Variants in TFAP2C observed in about 807,000 individuals in gnomAD.
TFAP2C encodes the protein transcription factor AP-2 gamma.
Under a neutral mutation model 42.9 loss-of-function variants are expected in TFAP2C, and 9 were observed. The ratio of observed to expected loss-of-function variants is 0.21; its 90% CI spans 0.13 to 0.37. The LOEUF (loss-of-function observed/expected upper bound fraction) is 0.37, where lower values mean the gene tolerates loss of function less well. Ranked by LOEUF, TFAP2C falls within the 10% of genes least tolerant of loss-of-function variation. The pLI is 1.00. For missense variants in TFAP2C, 462 were observed against 591.7 expected (o/e 0.78, Z 2.27); for synonymous variants, 264 against 256.0 (o/e 1.03, Z -0.30).
At position 56,638,023 on chromosome 20, in the gene TFAP2C, G is replaced by A. The variant is rs758220246; in HGVS notation, c.*10G>A. 3.2e-5 allele frequency: 52 copies of A among 1,609,856 alleles called. No homozygotes were observed. The highest frequency in any genetic ancestry group is 1.6e-4 in the Middle Eastern group (1 of 6,076). ...GAAACACAGGAAATAAAATTGGAAC[G>A]AAGAAAGGTTAGGAGAGTAGGGAAG... On this transcript the variant is annotated 3_prime_UTR_variant, in exon 7 of 7. Transcript: ENST00000201031.
chr20:56,636,839 C>T, intron 6 of TFAP2C, 85 bp downstream of exon 6: 1 of 1,435,782 alleles, frequency 7.0e-7, no homozygotes, highest in Non-Finnish European at 9.3e-7. Context: ...GTCCCGATGG[C>T]TCAACAAAGA....
In TFAP2C at chr20:56,630,242, G is replaced by A; in HGVS notation, c.48+650G>A. The A allele has an allele frequency of 3.3e-6, 1 of 299,466 alleles. No homozygotes were observed. Among genetic ancestry groups the A allele is most frequent in the South Asian group, 2.5e-5 (1 of 40,754 alleles). 18.6% of individuals were successfully genotyped at this position (299,466 alleles called of 1,614,324 possible). On this transcript the variant is annotated intron_variant, in intron 1 of 6. Coordinates refer to ENST00000201031, the MANE Select transcript of TFAP2C (RefSeq NM_003222.4). This position sits in a 1 kb window ranked among gnomAD's most constrained non-coding sequence, Gnocchi z 5.1. ...ACGCAGGCAGCGCTAGGCGAGCTCA[G>A]GGGCGCCGGGAGCGCGGAGCTCGGG...
Position 56,637,796 on chromosome 20 carries a change from C to T in TFAP2C, c.1136C>T (p.Ala379Val), listed in dbSNP as rs774229244. 7 of 1,614,002 alleles carry T rather than the reference C, an allele frequency of 4.3e-6. No homozygotes were observed. The highest frequency in any genetic ancestry group is 1.3e-5 in the African/African-American group (1 of 74,924). ...ACACCCCATGGGACCAGCAGGCTCG[C>T]CCCAGTCTTGGAGACGAACATACAG... The part of the protein sequence containing the change: ...DRTPHGTSRL[A>V]PVLETNIQNC... The change falls in exon 7 of 7, where the codon GCC (alanine) becomes GTC (valine). Residue 379 changes from alanine (A) to valine (V), a missense_variant. Ala to Val is a moderately conservative substitution (Grantham distance 64). Transcript: ENST00000201031.
Position 56,631,159 on chromosome 20 carries a change from G to C in TFAP2C, c.49-46G>C. 1 of 1,477,040 alleles carries C rather than the reference G, an allele frequency of 6.8e-7. No individual in the cohort carries two copies. The highest frequency in any genetic ancestry group is 9.0e-7 in the Non-Finnish European group (1 of 1,117,206). 91.5% of individuals were successfully genotyped at this position (1,477,040 alleles called of 1,614,324 possible). ...GCGATGCCGGCCAGTTCGCAGTAGC[G>C]GGGTTTCGCACTAACGGGGTCTCCT... On this transcript the variant is annotated intron_variant, in intron 1 of 6. Transcript: ENST00000201031. The surrounding 1 kb of genome is among the most constrained non-coding windows in gnomAD (Gnocchi z 6.1).
chr20:56,631,137 A>T lies in TFAP2C; in HGVS notation c.49-68A>T, dbSNP rs1600896676. On this transcript the variant is annotated intron_variant, in intron 1 of 6. Transcript: ENST00000201031. The surrounding 1 kb of genome is among the most constrained non-coding windows in gnomAD (Gnocchi z 6.1). ...CCGGGGCCCTCTGCGTAGCCCGGCG[A>T]TGCCGGCCAGTTCGCAGTAGCGGGG... 3 of 1,466,810 alleles carry T rather than the reference A, an allele frequency of 2.0e-6. No individual in the cohort carries two copies. The highest frequency in any genetic ancestry group is 1.8e-6 in the Non-Finnish European group (2 of 1,113,850). The allele number at this position is 1,466,810 out of a possible 1,614,324, so 90.9% of individuals were successfully genotyped here. A position where few individuals can be genotyped will look rare whatever the true frequency, so the allele number is the denominator to read the frequency against.
Position 56,636,692 on chromosome 20 carries a change from C to T in TFAP2C, c.1005C>T (p.Thr335=), listed in dbSNP as rs766003792. ...FPSKPVAEYL[T]RPHLGGRNEM... ...GTAAACCAGTGGCAGAATATTTAAC[C>T]AGACCTCATCTTGGAGGACGAAATG... Residue 335 remains threonine, a synonymous_variant, in exon 6 of 7, where the codon ACC becomes ACT. Coordinates refer to ENST00000201031, the MANE Select transcript of TFAP2C (RefSeq NM_003222.4). 1 of 1,613,962 alleles carries T rather than the reference C, an allele frequency of 6.2e-7. No individual in the cohort carries two copies. Among genetic ancestry groups the T allele is most frequent in the African/African-American group, 1.3e-5 (1 of 74,916 alleles).
chr20:56,637,580 C>T (rs1987608240), intron 6 of TFAP2C, 148 bp from the exon 7 acceptor site: 2 of 655,528 alleles, frequency 3.1e-6, no homozygotes, highest in Non-Finnish European at 5.2e-6. Flanking sequence ...CTAAGCGCAG[C>T]AGTTGGCTAT....
chr20:56,629,630 A>G lies in TFAP2C; in HGVS notation c.48+38A>G. 1 of 1,395,122 alleles carries G rather than the reference A, an allele frequency of 7.2e-7. No homozygotes were observed. 86.4% of individuals were successfully genotyped at this position (1,395,122 alleles called of 1,614,324 possible). A position where few individuals can be genotyped will look rare whatever the true frequency, so the allele number is the denominator to read the frequency against. ...TCCGGGGTGCAGCCCCGCCCCGCCG[A>G]GGACAGTCCGGGAGGCAGGGGCCAC... On this transcript the variant is annotated intron_variant, in intron 1 of 6. Transcript: ENST00000201031. The surrounding 1 kb of genome is among the most constrained non-coding windows in gnomAD (Gnocchi z 5.9).
chr20:56,636,562 G>T, intron 5 of TFAP2C, 48 bp from the exon 6 acceptor site: 1 of 1,552,000 alleles, frequency 6.4e-7, no homozygotes, highest in Non-Finnish European at 8.7e-7. Context: ...AGGGCAGTTT[G>T]GCCTCAGTGA....
chr20:56,629,500 G>A lies in TFAP2C; in HGVS notation c.-45G>A, dbSNP rs1372236611. On this transcript the variant is annotated 5_prime_UTR_variant, in exon 1 of 7. Transcript: ENST00000201031. This position sits in a 1 kb window ranked among gnomAD's most constrained non-coding sequence, Gnocchi z 5.9. ...GGATTTACCGCTTGGGGGCTGGGGGGATCCTGGATTTAACTGGCGACTGTT... is the reference window on the plus strand; with the variant it reads ...GGATTTACCGCTTGGGGGCTGGGGGAATCCTGGATTTAACTGGCGACTGTT... 5 of 1,384,334 alleles carry A rather than the reference G, an allele frequency of 3.6e-6. No individual in the cohort carries two copies. The highest frequency in any genetic ancestry group is 2.0e-5 in the South Asian group (1 of 49,354). The allele number at this position is 1,384,334 out of a possible 1,614,324, so 85.8% of individuals were successfully genotyped here. A position where few individuals can be genotyped will look rare whatever the true frequency, so the allele number is the denominator to read the frequency against.
Position 56,629,522 on chromosome 20 carries a change from T to C in TFAP2C, c.-23T>C. 2 of 1,403,888 alleles carry C rather than the reference T, an allele frequency of 1.4e-6. No homozygotes were observed. Among genetic ancestry groups the C allele is most frequent in the East Asian group, 5.5e-5 (2 of 36,544 alleles). 87.0% of individuals were successfully genotyped at this position (1,403,888 alleles called of 1,614,324 possible). A position where few individuals can be genotyped will look rare whatever the true frequency, so the allele number is the denominator to read the frequency against. On this transcript the variant is annotated 5_prime_UTR_variant, in exon 1 of 7. Coordinates refer to ENST00000201031, the MANE Select transcript of TFAP2C (RefSeq NM_003222.4). This position sits in a 1 kb window ranked among gnomAD's most constrained non-coding sequence, Gnocchi z 5.9. ...GGGGATCCTGGATTTAACTGGCGAC[T>C]GTTTTGGGGGACGCCGGACGCCATG... is the stretch of plus-strand genomic sequence containing the variant.
At position 56,630,743 on chromosome 20, in the gene TFAP2C, C is replaced by G. The variant is rs1335802569; in HGVS notation, c.49-462C>G. 1 of 985,244 alleles carries G rather than the reference C, an allele frequency of 1.0e-6. No homozygotes were observed. Among genetic ancestry groups the G allele is most frequent in the African/African-American group, 1.7e-5 (1 of 57,236 alleles). 61.0% of individuals were successfully genotyped at this position (985,244 alleles called of 1,614,324 possible). A position where few individuals can be genotyped will look rare whatever the true frequency, so the allele number is the denominator to read the frequency against. On this transcript the variant is annotated intron_variant, in intron 1 of 6. Coordinates refer to ENST00000201031, the MANE Select transcript of TFAP2C (RefSeq NM_003222.4). The surrounding 1 kb of genome is among the most constrained non-coding windows in gnomAD (Gnocchi z 5.1). The stretch of plus-strand genomic sequence containing the variant: ...GGAGGTGCGCATTTCCCGCGCCGCG[C>G]ACTCTATCCGCGCCTGCCGCGCTGC...
In TFAP2C at chr20:56,630,844, G is replaced by A; in HGVS notation, c.49-361G>A. On this transcript the variant is annotated intron_variant, in intron 1 of 6. Coordinates refer to ENST00000201031, the MANE Select transcript of TFAP2C (RefSeq NM_003222.4). This position sits in a 1 kb window ranked among gnomAD's most constrained non-coding sequence, Gnocchi z 5.1. ...ACCGGGCGTCCGGCTCCTTCGCCCCGGGCTCTGGCTCCTTCGCCCCGGGCT... is the reference window on the plus strand; with the variant it reads ...ACCGGGCGTCCGGCTCCTTCGCCCCAGGCTCTGGCTCCTTCGCCCCGGGCT... The A allele has an allele frequency of 2.0e-6, 2 of 984,100 alleles. No homozygotes were observed. The highest frequency in any genetic ancestry group is 2.4e-6 in the Non-Finnish European group (2 of 829,510). The allele number at this position is 984,100 out of a possible 1,614,324, so 61.0% of individuals were successfully genotyped here.
At position 56,638,330 on chromosome 20, in the gene TFAP2C, A is replaced by ATG; in HGVS notation, c.*317_*318insTG. ...GTGCTATAAGTTTTAGAATCTTTTAAATACATTCCCTGGGCCAACAGACCC... is the reference window on the plus strand; with the variant it reads ...GTGCTATAAGTTTTAGAATCTTTTAATGATACATTCCCTGGGCCAACAGACCC... On this transcript the variant is annotated 3_prime_UTR_variant, in exon 7 of 7. Transcript: ENST00000201031. 1 of 271,606 alleles carries ATG rather than the reference A, an allele frequency of 3.7e-6. No homozygotes were observed. The highest frequency in any genetic ancestry group is 7.1e-5 in the East Asian group (1 of 14,146). 16.8% of individuals were successfully genotyped at this position (271,606 alleles called of 1,614,324 possible).
chr20:56,630,896 A>C lies in TFAP2C; in HGVS notation c.49-309A>C. The C allele has an allele frequency of 2.0e-6, 2 of 984,970 alleles. No individual in the cohort carries two copies. The highest frequency in any genetic ancestry group is 2.4e-6 in the Non-Finnish European group (2 of 829,830). The allele number at this position is 984,970 out of a possible 1,614,324, so 61.0% of individuals were successfully genotyped here. Reference sequence around the variant, plus strand: ...CGGCCACGGACTTTTCTGGCCCAAGACCCAGGGTTCGGACTTGGCGCCTCC... The same window carrying C: ...CGGCCACGGACTTTTCTGGCCCAAGCCCCAGGGTTCGGACTTGGCGCCTCC... On this transcript the variant is annotated intron_variant, in intron 1 of 6. Coordinates refer to ENST00000201031, the MANE Select transcript of TFAP2C (RefSeq NM_003222.4). The surrounding 1 kb of genome is among the most constrained non-coding windows in gnomAD (Gnocchi z 5.1).
In TFAP2C at chr20:56,630,252, G is replaced by C. The variant is rs1448121709; in HGVS notation, c.48+660G>C. On this transcript the variant is annotated intron_variant, in intron 1 of 6. Coordinates refer to ENST00000201031, the MANE Select transcript of TFAP2C (RefSeq NM_003222.4). This position sits in a 1 kb window ranked among gnomAD's most constrained non-coding sequence, Gnocchi z 5.1. ...CGCTAGGCGAGCTCAGGGGCGCCGG[G>C]AGCGCGGAGCTCGGGCTACGGACTC... 2 of 306,980 alleles carry C rather than the reference G, an allele frequency of 6.5e-6. No homozygotes were observed. The highest frequency in any genetic ancestry group is 2.4e-5 in the South Asian group (1 of 42,196). 19.0% of individuals were successfully genotyped at this position (306,980 alleles called of 1,614,324 possible).
At position 56,631,593 on chromosome 20, in the gene TFAP2C, C is replaced by G; in HGVS notation, c.437C>G (p.Ser146Cys). 1 of 1,549,744 alleles carries G rather than the reference C, an allele frequency of 6.5e-7. No individual in the cohort carries two copies. ...GCCCGCAGGGATGCCTACCGCCGCTCCGACCTGCTGCTGCCCCACGCACAC... is the reference window on the plus strand; with the variant it reads ...GCCCGCAGGGATGCCTACCGCCGCTGCGACCTGCTGCTGCCCCACGCACAC... Reference protein sequence around the residue: ...VSARRDAYRRSDLLLPHAHAL... With the variant: ...VSARRDAYRRCDLLLPHAHAL... The change falls in exon 2 of 7, where the codon TCC becomes TGC. Residue 146 changes from serine (S) to cysteine (C), a missense_variant. Around this residue, in one of 5 missense-constraint regions of TFAP2C, gnomAD observed 271 missense variants for 269.7 expected, o/e 1.00. Coordinates refer to ENST00000201031, the MANE Select transcript of TFAP2C (RefSeq NM_003222.4). The surrounding 1 kb of genome is among the most constrained non-coding windows in gnomAD (Gnocchi z 6.1).
chr20:56,631,820 C>T lies in TFAP2C; in HGVS notation c.550C>T (p.His184Tyr), dbSNP rs748899621. ...TCTCCCCCAGAATGTCGACGACCAGCACCTGTTGCTGCACGATCAGACAGT... is the reference window on the plus strand; with the variant it reads ...TCTCCCCCAGAATGTCGACGACCAGTACCTGTTGCTGCACGATCAGACAGT... ...MDEVQNVDDQHLLLHDQTVIR... is the reference protein window; with the variant it reads ...MDEVQNVDDQYLLLHDQTVIR... Residue 184 changes from histidine to tyrosine, a missense_variant, in exon 3 of 7, where the codon CAC becomes TAC. By Grantham distance (83) the His-to-Tyr change is moderately conservative. Coordinates refer to ENST00000201031, the MANE Select transcript of TFAP2C (RefSeq NM_003222.4). The surrounding 1 kb of genome is among the most constrained non-coding windows in gnomAD (Gnocchi z 6.1). The T allele has an allele frequency of 1.2e-6, 2 of 1,614,202 alleles. No individual in the cohort carries two copies. Among genetic ancestry groups the T allele is most frequent in the Non-Finnish European group, 1.7e-6 (2 of 1,180,036 alleles).
chr20:56,631,589 C>G lies in TFAP2C; in HGVS notation c.433C>G (p.Arg145Gly). 2 of 1,545,888 alleles carry G rather than the reference C, an allele frequency of 1.3e-6. No homozygotes were observed. The highest frequency in any genetic ancestry group is 1.7e-6 in the Non-Finnish European group (2 of 1,153,284). ...AVSARRDAYR[R>G]SDLLLPHAHA... ...GAGCGCCCGCAGGGATGCCTACCGCCGCTCCGACCTGCTGCTGCCCCACGC... is the reference window on the plus strand; with the variant it reads ...GAGCGCCCGCAGGGATGCCTACCGCGGCTCCGACCTGCTGCTGCCCCACGC... Residue 145 changes from arginine (R) to glycine (G), a missense_variant, in exon 2 of 7, where the codon CGC (arginine) becomes GGC (glycine). By Grantham distance (125) the Arg-to-Gly change is moderately radical. This residue lies in a region of TFAP2C where 271 missense variants were observed against 269.7 expected (regional missense o/e 1.00). Coordinates refer to ENST00000201031, the MANE Select transcript of TFAP2C (RefSeq NM_003222.4). The surrounding 1 kb of genome is among the most constrained non-coding windows in gnomAD (Gnocchi z 6.1).
Sources: allele counts gnomAD v4.1 joint callset, GRCh38; gene constraint gnomAD v4.1.1; regional missense constraint gnomAD v4.1.1; non-coding constraint Gnocchi (gnomAD v3.1); transcripts MANE v1.5; gene names NCBI Gene and HGNC (gene_info 2026-07-23, HGNC 2026-07-21).